Variants in VPS13C observed in about 807,000 individuals in gnomAD.
VPS13C encodes the protein vacuolar protein sorting 13 homolog C.
In VPS13C, 358 loss-of-function variants were observed where a neutral mutation model predicts 456.8. The ratio of observed to expected loss-of-function variants is 0.78; its 90% CI spans 0.72 to 0.86. VPS13C has a LOEUF of 0.86. VPS13C is among the 40% of genes least tolerant of loss of function. VPS13C has a pLI of 0.00. For missense variants in VPS13C, 4,818 were observed against 4,385.4 expected, an observed-to-expected ratio of 1.10 and a Z score of -2.79; for synonymous variants, 1,578 against 1,486.7, an observed-to-expected ratio of 1.06 and a Z score of -1.41.
In VPS13C at chr15:61,983,517, G is replaced by A. The variant is rs74764088; in HGVS notation, c.1914+303C>T. Among the ~76,000 whole-genome samples, 24 of 152,266 alleles carry A rather than the reference G, an allele frequency of 1.6e-4. No homozygotes were observed. The East Asian group carries it at 3.7e-3, about 23-fold the overall frequency. On this transcript the variant is annotated intron_variant, in intron 20 of 84. Coordinates refer to ENST00000644861, the MANE Select transcript of VPS13C (RefSeq NM_020821.3). ...ATACAAAAAAGAACTGGAGTAGGAA[G>A]TAAACGTGTAACAATTTGGAAGTCG... is the stretch of plus-strand genomic sequence containing the variant.
intron 48 of VPS13C, chr15:61,935,343 T>C (rs1221706642): frequency 6.6e-6 from 1 of 152,238 alleles, no homozygotes; most frequent in Non-Finnish European, 1.5e-5. Context: ...AGTCTGTTTT[T>C]ACAAGTTACT....
At chr15:61,882,252 G>A (rs1377391724) in intron 69 of VPS13C, among the ~76,000 whole-genome samples, 1 of 152,108 alleles carries the variant, frequency 6.6e-6, no homozygotes, top group Non-Finnish European at 1.5e-5. Context: ...GAGCAAGCAA[G>A]CATCCAAAAG....
Position 61,969,449 on chromosome 15 carries a change from T to C in VPS13C, c.2761A>G (p.Ile921Val). 2 of 1,526,228 alleles carry C rather than the reference T, an allele frequency of 1.3e-6. No homozygotes were observed. Among genetic ancestry groups the C allele is most frequent in the Non-Finnish European group, 1.8e-6 (2 of 1,132,814 alleles). The allele number at this position is 1,526,228 out of a possible 1,614,324, so 94.5% of individuals were successfully genotyped here. The change falls in exon 28 of 85, where the codon ATT (isoleucine) becomes GTT (valine). Residue 921 changes from isoleucine (I) to valine (V), a missense_variant. Physicochemically the swap from Ile to Val is conservative, Grantham distance 29. Around this residue, in one of 3 missense-constraint regions of VPS13C, gnomAD observed 4,552 missense variants for 4,130.6 expected, o/e 1.10. Coordinates refer to ENST00000644861, the MANE Select transcript of VPS13C (RefSeq NM_020821.3). ...LLLKFEIKEV[I>V]LEFTKQQKEE... ...TTCTGCTGTTTAGTAAATTCCAAAA[T>C]CACCTAAAAGAATTAGAGTCAATGA...
intron 13 of VPS13C, 74 bp downstream of exon 13, chr15:62,010,398 G>C: frequency 7.2e-7 from 1 of 1,382,462 alleles, no homozygotes; most frequent in Admixed American, 2.6e-5. Flanking sequence ...AACCACTAGA[G>C]AAGTAATAAT....
intron 63 of VPS13C, 139 bp from the exon 64 acceptor site, chr15:61,910,444 C>A: frequency 1.9e-6 from 1 of 534,538 alleles, no homozygotes; most frequent in Non-Finnish European, 2.7e-6. Flanking sequence ...TCCTCTACAT[C>A]TCATAGTAAG....
intron 77 of VPS13C, among the ~76,000 whole-genome samples, chr15:61,874,153 G>C (rs1292129654): frequency 1.3e-5 from 2 of 152,062 alleles, no homozygotes; most frequent in African/African-American, 4.8e-5. Context: ...TTAGAGAGTA[G>C]AACTGTGGTT....
At chr15:62,035,889 G>A (rs956949783) in intron 3 of VPS13C, among the ~76,000 whole-genome samples, 14 of 151,956 alleles carry the variant, frequency 9.2e-5, no homozygotes, top group Admixed American at 9.2e-4. Flanking sequence ...GGGGTTTTAT[G>A]GGGGAAAAGC....
At chr15:61,932,045 C>T (rs1015167894) in intron 49 of VPS13C, among the ~76,000 whole-genome samples, 1 of 152,070 alleles carries the variant, frequency 6.6e-6, no homozygotes, top group Non-Finnish European at 1.5e-5. Flanking sequence ...CAAGAAGATG[C>T]TATTAGTTGT....
At position 61,954,571 on chromosome 15, in the gene VPS13C, A is replaced by C. The variant is rs756649197; in HGVS notation, c.4166-17T>G. ...TAATTTCACCTGAAATGTTTAAAAG[A>C]AATTCATTACTTTTATTCACAAATT... On this transcript the variant is annotated splice_polypyrimidine_tract_variant and intron_variant, in intron 37 of 84. Coordinates refer to ENST00000644861, the MANE Select transcript of VPS13C (RefSeq NM_020821.3). The C allele has an allele frequency of 1.3e-6, 2 of 1,565,308 alleles. No individual in the cohort carries two copies. Among genetic ancestry groups the C allele is most frequent in the Admixed American group, 2.1e-5 (1 of 48,074 alleles).
At chr15:62,049,530 G>T (rs1181225536) in intron 1 of VPS13C, among the ~76,000 whole-genome samples, 2 of 152,222 alleles carry the variant, frequency 1.3e-5, no homozygotes, top group African/African-American at 2.4e-5. Context: ...TTGAAGTCAG[G>T]TAGCGTGATG....
intron 49 of VPS13C, among the ~76,000 whole-genome samples, chr15:61,931,579 C>CTTTT (rs375639929): frequency 1.4e-5 from 2 of 137,984 alleles, no homozygotes; most frequent in East Asian, 2.1e-4. Flanking sequence ...TAAATTTTTT[C>CTTTT]TTTTTTTTTT....
chr15:61,865,296 A>C (rs1369171374), intron 81 of VPS13C: 1 of 980,206 alleles, frequency 1.0e-6, no homozygotes, highest in East Asian at 1.1e-4. Context: ...TTATTACAGC[A>C]TTATTACTGT....
intron 49 of VPS13C, among the ~76,000 whole-genome samples, chr15:61,933,316 T>C (rs1266408866): frequency 8.5e-5 from 13 of 152,122 alleles, no homozygotes. Context: ...CATTAAACAT[T>C]AGAAAATAAG....
At chr15:61,888,194 C>G (rs1168224835) in intron 67 of VPS13C, among the ~76,000 whole-genome samples, 1 of 152,026 alleles carries the variant, frequency 6.6e-6, no homozygotes, top group Non-Finnish European at 1.5e-5. Flanking sequence ...CCGACAATAC[C>G]AAATTTTGGC....
At chr15:61,914,496 G>T (rs958540941) in intron 61 of VPS13C, among the ~76,000 whole-genome samples, 1 of 151,792 alleles carries the variant, frequency 6.6e-6, no homozygotes, top group Non-Finnish European at 1.5e-5. Context: ...TTGAACCCGG[G>T]AGGCGGAGGT....
chr15:61,934,223 T>C lies in VPS13C; in HGVS notation c.5864A>G (p.Asn1955Ser). 1 of 1,564,190 alleles carries C rather than the reference T, an allele frequency of 6.4e-7. No homozygotes were observed. Among genetic ancestry groups the C allele is most frequent in the Non-Finnish European group, 8.7e-7 (1 of 1,149,422 alleles). Reference protein sequence around the residue: ...LSIILYNNDINQESGVAFHND... With the variant: ...LSIILYNNDISQESGVAFHND... ...TTACAGAAATGTATTACATACCTGG[T>C]TGATATCATTGTTATAAAGGATAAT... Residue 1955 changes from asparagine (N) to serine (S), a missense_variant, in exon 49 of 85, where the codon AAC becomes AGC. Physicochemically the swap from Asn to Ser is conservative, Grantham distance 46. Transcript: ENST00000644861.
intron 74 of VPS13C, among the ~76,000 whole-genome samples, chr15:61,877,789 T>C (rs960015897): frequency 6.6e-6 from 1 of 151,968 alleles, no homozygotes. Context: ...TCTTTGATAA[T>C]TTGCTTTAAT....
chr15:61,872,484 C>T lies in VPS13C; in HGVS notation c.10579-450G>A, dbSNP rs146713405. On this transcript the variant is annotated intron_variant, in intron 78 of 84. Transcript: ENST00000644861. ...TGAAAATAAAGGGCCCTCCCAGGGA[C>T]AGGTAATAACCTGGCAAATAAAGTG... Among the ~76,000 whole-genome samples the T allele has an allele frequency of 3.9e-3, 593 of 152,142 alleles. 4 individuals carry two copies. Among genetic ancestry groups the T allele is most frequent in the African/African-American group, 0.013 (559 of 41,514 alleles).
At chr15:62,051,929 T>C (rs1263524881) in intron 1 of VPS13C, among the ~76,000 whole-genome samples, 1 of 152,218 alleles carries the variant, frequency 6.6e-6, no homozygotes, top group Non-Finnish European at 1.5e-5. Context: ...TTTGGGACCA[T>C]AAAGATTTTC....
Sources: allele counts gnomAD v4.1 joint callset (sites outside exome capture counted in the v4.1 genomes callset), GRCh38; gene constraint gnomAD v4.1.1; regional missense constraint gnomAD v4.1.1; transcripts MANE v1.5; gene names NCBI Gene and HGNC (gene_info 2026-07-23, HGNC 2026-07-21).